Variants in VAC14 observed in about 807,000 individuals in gnomAD.
VAC14 encodes the protein VAC14 component of PIKFYVE complex, also known as protein VAC14 homolog.
Under a neutral mutation model 85.3 loss-of-function variants are expected in VAC14, and 47 were observed. The ratio of observed to expected loss-of-function variants is 0.55; its 90% CI spans 0.44 to 0.70. The LOEUF is 0.70. VAC14 is among the 30% of genes least tolerant of loss of function. The probability of loss-of-function intolerance (pLI) is 0.00; values close to 1 mark genes in which losing one functional copy is unlikely to be tolerated. For synonymous variants in VAC14, 447 were observed against 430.5 expected, an observed-to-expected ratio of 1.04 and a Z score of -0.47; for missense variants, 861 against 1,004.3, an observed-to-expected ratio of 0.86 and a Z score of 1.93.
At chr16:70,692,646 CAA>C (rs1339258618) in intron 18 of VAC14, among the ~76,000 whole-genome samples, 173 bp downstream of exon 18, 1 of 151,968 alleles carries the variant, frequency 6.6e-6, no homozygotes, top group African/African-American at 2.4e-5. Context: ...GATGTGGACA[CAA>C]GAGGCCAAGG....
intron 1 of VAC14, among the ~76,000 whole-genome samples, chr16:70,798,458 G>C (rs1409214693): frequency 6.6e-6 from 1 of 152,192 alleles, no homozygotes; most frequent in East Asian, 1.9e-4. Context: ...ATGTGTACCT[G>C]ACACATAGAA....
At chr16:70,734,679 TG>T (rs201598746) in intron 13 of VAC14, among the ~76,000 whole-genome samples, 2,337 of 152,216 alleles carry the variant, frequency 0.015, 66 homozygotes, top group African/African-American at 0.054. Flanking sequence ...CAGTATAACA[TG>T]ATATCTTAAT....
rs142819827 is a variant in VAC14 at position 70,709,227 on chromosome 16, C to T, written c.1662-10416G>A. Among the ~76,000 whole-genome samples, 55 of 152,318 alleles carry T rather than the reference C, an allele frequency of 3.6e-4. 1 individual carries two copies. Among genetic ancestry groups the T allele is most frequent in the African/African-American group, 1.2e-3 (48 of 41,568 alleles). Reference sequence around the variant, plus strand: ...ACAGATGAGAGGCCTTGCCAAAGACCCCCTTGGTCAGCCTAACCCCAGCAC... The same window carrying T: ...ACAGATGAGAGGCCTTGCCAAAGACTCCCTTGGTCAGCCTAACCCCAGCAC... On this transcript the variant is annotated intron_variant, in intron 14 of 18. Transcript: ENST00000261776.
chr16:70,727,791 T>C (rs1254911996), intron 14 of VAC14, among the ~76,000 whole-genome samples: 2 of 152,260 alleles, frequency 1.3e-5, no homozygotes, highest in Non-Finnish European at 2.9e-5. Flanking sequence ...AGCCACATGT[T>C]TGCAGGGCCT....
intron 10 of VAC14, among the ~76,000 whole-genome samples, chr16:70,768,105 C>T (rs1319839203): frequency 6.6e-6 from 1 of 152,192 alleles, no homozygotes; most frequent in African/African-American, 2.4e-5. Flanking sequence ...GGACTGGTCT[C>T]TAACTCCTGG....
At chr16:70,716,623 G>C (rs1014516329) in intron 14 of VAC14, 6 of 152,234 alleles carry the variant, frequency 3.9e-5, no homozygotes, top group Admixed American at 6.5e-5. Context: ...AGACTCTCTG[G>C]GACTCTGATC....
intron 1 of VAC14, among the ~76,000 whole-genome samples, chr16:70,787,810 C>CG (rs2034139481): frequency 6.6e-6 from 1 of 151,528 alleles, no homozygotes; most frequent in Non-Finnish European, 1.5e-5. Context: ...AGTACAGCAG[C>CG]GGGATGGGCT....
At chr16:70,705,656 C>T (rs2142993866) in intron 14 of VAC14, among the ~76,000 whole-genome samples, 1 of 152,288 alleles carries the variant, frequency 6.6e-6, no homozygotes, top group African/African-American at 2.4e-5. Context: ...GCTGGGGGCG[C>T]CTGCTCCCGC....
At chr16:70,778,561 C>G (rs2033642578) in intron 9 of VAC14, 2 of 152,080 alleles carry the variant, frequency 1.3e-5, no homozygotes, top group African/African-American at 4.8e-5. Context: ...AATTCTAGAA[C>G]ATCTCCATAA....
intron 13 of VAC14, among the ~76,000 whole-genome samples, chr16:70,743,149 A>G (rs2030520068): frequency 1.3e-5 from 2 of 152,158 alleles, no homozygotes; most frequent in Non-Finnish European, 2.9e-5. Context: ...ACCAATCAGC[A>G]CTCTGTAAAA....
At chr16:70,718,473 G>A (rs2054214446) in intron 14 of VAC14, among the ~76,000 whole-genome samples, 1 of 150,860 alleles carries the variant, frequency 6.6e-6, no homozygotes, top group South Asian at 2.1e-4. Context: ...TCGGGAGGCT[G>A]AGGCAGGGGA....
chr16:70,745,019 C>G (rs1206610342), intron 12 of VAC14: 1 of 160,536 alleles, frequency 6.2e-6, no homozygotes, highest in African/African-American at 2.4e-5. Flanking sequence ...GCCACGGCCC[C>G]ACCCACCATT....
At chr16:70,752,140 A>G (rs2031438069) in intron 12 of VAC14, among the ~76,000 whole-genome samples, 1 of 152,246 alleles carries the variant, frequency 6.6e-6, no homozygotes, top group South Asian at 2.1e-4. Flanking sequence ...CTGGGGGATG[A>G]GGACAGCATT....
At position 70,801,034 on chromosome 16, in the gene VAC14, C is replaced by T. The variant is rs1596986283; in HGVS notation, c.-134G>A. 3.7e-6 allele frequency: 2 copies of T among 544,072 alleles called. No homozygotes were observed. Among genetic ancestry groups the T allele is most frequent in the Non-Finnish European group, 6.0e-6 (2 of 331,456 alleles). The allele number at this position is 544,072 out of a possible 1,614,324, so 33.7% of individuals were successfully genotyped here. On this transcript the variant is annotated 5_prime_UTR_variant, in exon 1 of 19. The change creates a new upstream start codon in the 5' untranslated region. Transcript: ENST00000261776. ...CACGCCGCTCTAGGCTTGCCTGCCACGCTCCGCCGCCTCGCCCTGGAACCC... is the reference window on the plus strand; with the variant it reads ...CACGCCGCTCTAGGCTTGCCTGCCATGCTCCGCCGCCTCGCCCTGGAACCC...
chr16:70,727,257 AATC>A (rs1191977714), intron 14 of VAC14, among the ~76,000 whole-genome samples: 1 of 152,188 alleles, frequency 6.6e-6, no homozygotes, highest in Non-Finnish European at 1.5e-5. Context: ...GGGGTTAAGA[AATC>A]ATTGTGCTCC....
chr16:70,781,409 C>CTTCTCTGA (rs1470589853), intron 8 of VAC14, among the ~76,000 whole-genome samples: 2 of 152,228 alleles, frequency 1.3e-5, no homozygotes, highest in Admixed American at 6.5e-5. Context: ...CCAGGGGAGG[C>CTTCTCTGA]TTCTCTGAAC....
At chr16:70,789,564 T>A (rs770774279) in intron 1 of VAC14, among the ~76,000 whole-genome samples, 7 of 152,346 alleles carry the variant, frequency 4.6e-5, no homozygotes, top group Non-Finnish European at 8.8e-5. Context: ...CGGGTTCGAT[T>A]CCCGGCCAAT....
intron 16 of VAC14, among the ~76,000 whole-genome samples, chr16:70,696,690 A>T (rs1256055023): frequency 1.3e-5 from 2 of 152,102 alleles, no homozygotes; most frequent in Admixed American, 1.3e-4. Context: ...TGAAGCCTGC[A>T]GGCTCACCCA....
chr16:70,743,010 C>A (rs762702960), intron 13 of VAC14, among the ~76,000 whole-genome samples: 1 of 151,810 alleles, frequency 6.6e-6, no homozygotes, highest in Non-Finnish European at 1.5e-5. Flanking sequence ...ACTGTAAATG[C>A]ACCAATCAGC....
Sources: allele counts gnomAD v4.1 joint callset (sites outside exome capture counted in the v4.1 genomes callset), GRCh38; gene constraint gnomAD v4.1.1; transcripts MANE v1.5; gene names NCBI Gene and HGNC (gene_info 2026-07-23, HGNC 2026-07-21).